OPCML: variants seen among roughly 807,000 people sequenced by gnomAD.
The protein encoded by OPCML is opioid-binding protein/cell adhesion molecule.
OPCML carries 13 observed loss-of-function variants against 37.8 expected under a neutral mutation model. That is an observed-to-expected ratio of 0.34 (90% CI 0.22 to 0.55). The LOEUF (loss-of-function observed/expected upper bound fraction) is 0.55, where lower values mean the gene tolerates loss of function less well. Among genes scored for constraint, OPCML ranks in the 20% least tolerant of loss-of-function variants. The pLI is 0.91. For synonymous variants in OPCML, 176 were observed against 168.8 expected (o/e 1.04, Z -0.33); for missense variants, 341 against 435.6 (o/e 0.78, Z 1.93).
intron 1 of OPCML, among the ~76,000 whole-genome samples, chr11:133,019,683 G>A (rs865869173): frequency 6.6e-6 from 1 of 152,176 alleles, no homozygotes; most frequent in African/African-American, 2.4e-5. Flanking sequence ...CCATGGGCTT[G>A]TTTGTCACAG....
chr11:132,753,376 A>G (rs999503055), intron 2 of OPCML, among the ~76,000 whole-genome samples: 1 of 152,232 alleles, frequency 6.6e-6, no homozygotes, highest in Non-Finnish European at 1.5e-5. Context: ...GAAGTCCAAG[A>G]ACAATATACT....
At chr11:132,564,345 C>T (rs747841548) in intron 3 of OPCML, among the ~76,000 whole-genome samples, 54 of 152,204 alleles carry the variant, frequency 3.5e-4, no homozygotes, top group Non-Finnish European at 6.9e-4. Flanking sequence ...GAGACCTAAC[C>T]GCTTCCTTCC....
At chr11:133,057,334 C>T (rs1487071660) in intron 1 of OPCML, among the ~76,000 whole-genome samples, 2 of 152,158 alleles carry the variant, frequency 1.3e-5, no homozygotes, top group African/African-American at 4.8e-5. Flanking sequence ...CAGAATTGTC[C>T]AAGGCCAAAG....
intron 1 of OPCML, among the ~76,000 whole-genome samples, chr11:133,382,016 C>A (rs1273668087): frequency 6.6e-6 from 1 of 152,218 alleles, no homozygotes; most frequent in African/African-American, 2.4e-5. Flanking sequence ...CAGTTCTCTG[C>A]AGAAAGAACC....
intron 1 of OPCML, among the ~76,000 whole-genome samples, chr11:133,312,131 C>T (rs556429029): frequency 1.3e-5 from 2 of 152,334 alleles, no homozygotes; most frequent in East Asian, 1.9e-4. Flanking sequence ...TTTGGAGGCT[C>T]ATCTGCTGAA....
intron 2 of OPCML, among the ~76,000 whole-genome samples, chr11:132,676,388 T>C (rs114218064): frequency 0.02 from 3,011 of 152,174 alleles, 103 homozygotes; most frequent in African/African-American, 0.068. Context: ...TGGTTTCTTA[T>C]ATATAACACC....
intron 1 of OPCML, among the ~76,000 whole-genome samples, chr11:133,495,274 A>G (rs1163891390): frequency 6.6e-6 from 1 of 152,182 alleles, no homozygotes; most frequent in Non-Finnish European, 1.5e-5. Context: ...CATTGTATAT[A>G]TACCACAGTT....
At chr11:132,965,362 G>T (rs1019051973) in intron 1 of OPCML, among the ~76,000 whole-genome samples, 2 of 152,080 alleles carry the variant, frequency 1.3e-5, no homozygotes, top group African/African-American at 4.8e-5. Context: ...GCTGTTTTGT[G>T]TCGGGGGGAG....
At chr11:132,494,249 T>C (rs1352232560) in intron 4 of OPCML, among the ~76,000 whole-genome samples, 1 of 152,218 alleles carries the variant, frequency 6.6e-6, no homozygotes, top group Non-Finnish European at 1.5e-5. Flanking sequence ...CTGTGAATCA[T>C]GCATATGCCT....
intron 3 of OPCML, among the ~76,000 whole-genome samples, chr11:132,567,370 G>C (rs1185924535): frequency 6.6e-6 from 1 of 152,164 alleles, no homozygotes; most frequent in African/African-American, 2.4e-5. Context: ...TGTGCTACAG[G>C]ATAAAAGTCA....
chr11:132,420,375 C>A, intron 7 of OPCML, 82 bp from the exon 8 acceptor site: 1 of 1,551,584 alleles, frequency 6.4e-7, no homozygotes, highest in Non-Finnish European at 8.7e-7. Context: ...AATACACATA[C>A]ATGCTTCCCA....
At chr11:132,771,863 T>C (rs1946647048) in intron 2 of OPCML, 1 of 152,218 alleles carries the variant, frequency 6.6e-6, no homozygotes, top group African/African-American at 2.4e-5. Context: ...TTACATCTCA[T>C]CTCTATTTAA....
intron 1 of OPCML, among the ~76,000 whole-genome samples, chr11:133,091,339 T>G (rs1252361567): frequency 6.6e-6 from 1 of 152,206 alleles, no homozygotes; most frequent in Admixed American, 6.5e-5. Context: ...GCATCCTCAC[T>G]AGAGCCACGT....
chr11:132,559,772 T>A (rs949970397), intron 3 of OPCML, among the ~76,000 whole-genome samples: 1 of 152,144 alleles, frequency 6.6e-6, no homozygotes, highest in East Asian at 1.9e-4. Context: ...GGGATAAATG[T>A]CCTGTTCCTC....
chr11:132,894,892 A>G (rs1405788643), intron 2 of OPCML, among the ~76,000 whole-genome samples: 3 of 152,196 alleles, frequency 2.0e-5, no homozygotes, highest in Admixed American at 6.5e-5. Context: ...GATCCCCAGC[A>G]TGTAGATGGC....
At chr11:133,210,979 C>T (rs975689362) in intron 1 of OPCML, among the ~76,000 whole-genome samples, 2 of 151,884 alleles carry the variant, frequency 1.3e-5, no homozygotes, top group African/African-American at 2.4e-5. Flanking sequence ...CCTTTACTCC[C>T]GTAAGAGGAA....
intron 1 of OPCML, among the ~76,000 whole-genome samples, chr11:133,387,262 T>C (rs564767091): frequency 2.0e-5 from 3 of 152,258 alleles, no homozygotes; most frequent in Non-Finnish European, 4.4e-5. Context: ...AACCGGTAAG[T>C]GGTCCAGCCA....
intron 1 of OPCML, among the ~76,000 whole-genome samples, chr11:133,233,403 C>T (rs983173068): frequency 1.3e-5 from 2 of 152,108 alleles, no homozygotes; most frequent in Admixed American, 1.3e-4. Context: ...AGAAAGGTGC[C>T]CTCCCTGTAC....
intron 2 of OPCML, among the ~76,000 whole-genome samples, chr11:132,885,751 T>C (rs1943385705): frequency 6.6e-6 from 1 of 152,188 alleles, no homozygotes; most frequent in African/African-American, 2.4e-5. Flanking sequence ...AGCATTAATT[T>C]CAAAATAGAG....
Sources: gnomAD v4.1 joint callset for allele counts (sites outside exome capture counted in the v4.1 genomes callset) on GRCh38, gnomAD v4.1.1 for gene constraint, MANE v1.5 for transcripts, NCBI Gene and HGNC (gene_info 2026-07-23, HGNC 2026-07-21) for gene names.